Variants in FOXP1 observed in about 807,000 individuals in gnomAD.
FOXP1 encodes forkhead box P1, also known as forkhead box protein P1.
In FOXP1, 15 loss-of-function variants were observed where a neutral mutation model predicts 98.2. That is an observed-to-expected ratio of 0.15 (90% CI 0.10 to 0.24). The LOEUF (loss-of-function observed/expected upper bound fraction) is 0.24. Ranked by LOEUF, FOXP1 falls within the 10% of genes least tolerant of loss-of-function variation. FOXP1 has a pLI of 1.00. For missense variants in FOXP1, 633 were observed against 848.5 expected (o/e 0.75, Z 3.15); for synonymous variants, 371 against 314.5 (o/e 1.18, Z -1.90).
intron 3 of FOXP1, among the ~76,000 whole-genome samples, chr3:71,421,289 A>G (rs1396109032): frequency 6.6e-6 from 1 of 152,228 alleles, no homozygotes; most frequent in African/African-American, 2.4e-5. Context: ...TCAGGATAAA[A>G]AAAATTAAAC....
intron 5 of FOXP1, among the ~76,000 whole-genome samples, chr3:71,257,341 C>T (rs1309566224): frequency 6.6e-6 from 1 of 152,060 alleles, no homozygotes; most frequent in Admixed American, 6.5e-5. Context: ...CTTTGGGAGG[C>T]CGAGATGGGC....
Position 71,338,929 on chromosome 3 carries a change from A to T in FOXP1, c.-73+20221T>A, listed in dbSNP as rs561302379. On this transcript the variant is annotated intron_variant, in intron 4 of 20. Transcript: ENST00000649528. ...CACACTAGCTTTGAGTCAAGATAAA[A>T]GATGCCTATCTAGCAAAGAACACTA... 4.6e-5 allele frequency among the ~76,000 whole-genome samples: 7 copies of T among 152,342 alleles called. No homozygotes were observed. In the South Asian group the frequency reaches 8.3e-4, roughly 18 times the overall value.
Position 70,993,626 on chromosome 3 carries a change from A to G in FOXP1, c.1063-5549T>C, listed in dbSNP as rs561583920. On this transcript the variant is annotated intron_variant, in intron 13 of 20. Coordinates refer to ENST00000649528, the MANE Select transcript of FOXP1 (RefSeq NM_001349338.3). ...TGGATTTAGTAATACCTTCTCAAAG[A>G]ATGAGAAGAAACATTACATTAAACA... 3.9e-5 allele frequency among the ~76,000 whole-genome samples: 6 copies of G among 152,356 alleles called. 1 individual carries two copies. The South Asian group carries it at 1.2e-3, about 32-fold the overall frequency.
At chr3:70,976,796 A>G (rs1287868343) in intron 17 of FOXP1, 145 bp downstream of exon 17, 20 of 660,326 alleles carry the variant, frequency 3.0e-5, no homozygotes, top group Non-Finnish European at 5.5e-5. Flanking sequence ...CTATTTTCCC[A>G]ATCAAATACA....
At chr3:71,539,108 TG>T (rs1398361644) in intron 2 of FOXP1, among the ~76,000 whole-genome samples, 7 of 149,940 alleles carry the variant, frequency 4.7e-5, no homozygotes, top group African/African-American at 1.7e-4. Context: ...TTTATTTTTT[TG>T]TTTTTATTTT....
At chr3:71,052,062 G>A (rs1289915806) in intron 9 of FOXP1, among the ~76,000 whole-genome samples, 4 of 152,194 alleles carry the variant, frequency 2.6e-5, no homozygotes, top group East Asian at 1.9e-4. Flanking sequence ...CAAAAGATGT[G>A]GATGTTTAAT....
chr3:71,372,094 C>G (rs1353323428), intron 3 of FOXP1, among the ~76,000 whole-genome samples: 1 of 151,874 alleles, frequency 6.6e-6, no homozygotes, highest in African/African-American at 2.4e-5. Context: ...CTCACTGCAA[C>G]CTCGGCCTCC....
At chr3:71,127,639 C>T (rs2059306330) in intron 6 of FOXP1, among the ~76,000 whole-genome samples, 1 of 152,194 alleles carries the variant, frequency 6.6e-6, no homozygotes, top group African/African-American at 2.4e-5. Context: ...AAATGCTTCT[C>T]ATGATCTCTA....
intron 4 of FOXP1, among the ~76,000 whole-genome samples, chr3:71,326,499 G>C (rs139664180): frequency 6.6e-6 from 1 of 152,160 alleles, no homozygotes; most frequent in African/African-American, 2.4e-5. Context: ...TGATGGCAGA[G>C]CTGATGGCAT....
intron 7 of FOXP1, among the ~76,000 whole-genome samples, chr3:71,081,022 G>A (rs1386063271): frequency 6.6e-6 from 1 of 152,100 alleles, no homozygotes; most frequent in Non-Finnish European, 1.5e-5. Context: ...ACCTCCACAG[G>A]ATTTGCAACT....
chr3:71,284,178 G>A (rs2107443704), intron 5 of FOXP1, among the ~76,000 whole-genome samples: 1 of 152,272 alleles, frequency 6.6e-6, no homozygotes, highest in African/African-American at 2.4e-5. Flanking sequence ...GAAAAAGCAA[G>A]ATGGCAAGAC....
chr3:71,308,687 G>GA (rs966844790), intron 4 of FOXP1, among the ~76,000 whole-genome samples: 59 of 143,996 alleles, frequency 4.1e-4, no homozygotes, highest in South Asian at 1.8e-3. Context: ...TTGAGCAAAG[G>GA]AAAAAAAAAT....
intron 6 of FOXP1, among the ~76,000 whole-genome samples, chr3:71,116,187 T>C (rs1432389254): frequency 6.6e-6 from 1 of 152,212 alleles, no homozygotes; most frequent in East Asian, 1.9e-4. Context: ...TCAGATTTAT[T>C]CTTCTGGTTT....
chr3:71,559,935 AT>A (rs1559530965), intron 2 of FOXP1, among the ~76,000 whole-genome samples: 1 of 152,186 alleles, frequency 6.6e-6, no homozygotes, highest in African/African-American at 2.4e-5. Flanking sequence ...AAAAACTTCT[AT>A]TCTGCTGGAA....
intron 14 of FOXP1, among the ~76,000 whole-genome samples, chr3:70,985,541 A>G (rs1164267883): frequency 6.6e-6 from 1 of 152,220 alleles, no homozygotes; most frequent in African/African-American, 2.4e-5. Context: ...CCAATAAATG[A>G]AAAGAAGGCA....
intron 14 of FOXP1, among the ~76,000 whole-genome samples, chr3:70,980,200 G>C (rs1222712822): frequency 2.6e-5 from 4 of 152,148 alleles, no homozygotes; most frequent in African/African-American, 9.7e-5. Flanking sequence ...GGGAAGAGTT[G>C]GGGCTGACCT....
chr3:70,992,434 G>C (rs1466101793), intron 13 of FOXP1, among the ~76,000 whole-genome samples: 1 of 152,018 alleles, frequency 6.6e-6, no homozygotes, highest in Non-Finnish European at 1.5e-5. Flanking sequence ...AAAACAAGGG[G>C]GAGAAAAAGC....
intron 17 of FOXP1, among the ~76,000 whole-genome samples, chr3:70,975,625 T>C (rs554930698): frequency 6.6e-6 from 1 of 152,370 alleles, no homozygotes; most frequent in Admixed American, 6.5e-5. Flanking sequence ...AACACATCCT[T>C]ATCATATTTA....
At position 71,074,178 on chromosome 3, in the gene FOXP1, T is replaced by C. The variant is rs143426493; in HGVS notation, c.283-20405A>G. ...CCAAACAACCGGATGAAGTAGGTATTATTGTGCCCACTTAACAGACAGATA... is the reference window on the plus strand; with the variant it reads ...CCAAACAACCGGATGAAGTAGGTATCATTGTGCCCACTTAACAGACAGATA... On this transcript the variant is annotated intron_variant, in intron 7 of 20. Transcript: ENST00000649528. Among the ~76,000 whole-genome samples, 287 of 152,360 alleles carry C rather than the reference T, an allele frequency of 1.9e-3. 1 individual carries two copies. Among genetic ancestry groups the C allele is most frequent in the African/African-American group, 6.5e-3 (272 of 41,586 alleles).
Sources: allele counts gnomAD v4.1 joint callset (sites outside exome capture counted in the v4.1 genomes callset), GRCh38; gene constraint gnomAD v4.1.1; transcripts MANE v1.5; gene names NCBI Gene and HGNC (gene_info 2026-07-23, HGNC 2026-07-21).